Variants in UPF2 observed in about 807,000 individuals in gnomAD.
The protein encoded by UPF2 is UPF2 regulator of nonsense mediated mRNA decay, also known as regulator of nonsense transcripts 2.
In UPF2, 17 loss-of-function variants were observed where a neutral mutation model predicts 141.4. The observed-to-expected ratio is 0.12, with a 90% CI of 0.08 to 0.18. UPF2 has a LOEUF of 0.18. Among genes scored for constraint, UPF2 ranks in the 10% least tolerant of loss-of-function variants. UPF2 has a pLI of 1.00. For synonymous variants in UPF2, 540 were observed against 498.0 expected, an observed-to-expected ratio of 1.08 and a Z score of -1.12; for missense variants, 1,152 against 1,515.9, an observed-to-expected ratio of 0.76 and a Z score of 3.99.
intron 4 of UPF2, among the ~76,000 whole-genome samples, chr10:12,004,965 ATTTGT>A (rs757838152): frequency 5.4e-4 from 82 of 152,296 alleles, no homozygotes; most frequent in Non-Finnish European, 8.1e-4. Flanking sequence ...TTTCTCTTAC[ATTTGT>A]TTTAAGCAAT....
intron 13 of UPF2, 105 bp from the exon 14 acceptor site, chr10:11,955,612 A>T (rs1225456590): frequency 8.9e-7 from 1 of 1,121,528 alleles, no homozygotes; most frequent in African/African-American, 1.6e-5. Flanking sequence ...CTGAAAGAAC[A>T]CTGAATAGAG....
At chr10:11,972,504 G>A (rs2131216287) in intron 9 of UPF2, among the ~76,000 whole-genome samples, 1 of 152,190 alleles carries the variant, frequency 6.6e-6, no homozygotes, top group East Asian at 1.9e-4. Context: ...TTTACATTAG[G>A]TATATCTCCT....
intron 11 of UPF2, among the ~76,000 whole-genome samples, chr10:11,963,253 T>C (rs902663449): frequency 6.6e-6 from 1 of 152,222 alleles, no homozygotes; most frequent in Non-Finnish European, 1.5e-5. Context: ...TCTCACCCAT[T>C]ACAGGTGAAC....
intron 4 of UPF2, among the ~76,000 whole-genome samples, chr10:12,008,179 A>C (rs1834066869): frequency 6.6e-6 from 1 of 152,142 alleles, no homozygotes; most frequent in East Asian, 1.9e-4. Context: ...AAAAGATACA[A>C]GGGGAAAAAG....
intron 12 of UPF2, among the ~76,000 whole-genome samples, chr10:11,958,391 A>G (rs770151334): frequency 5.7e-4 from 87 of 152,318 alleles, no homozygotes; most frequent in Non-Finnish European, 1.1e-3. Context: ...AACACTAAAC[A>G]TGATTCTGAC....
chr10:11,931,844 G>C lies in UPF2; in HGVS notation c.3547-62C>G. 6.5e-7 allele frequency: 1 copy of C among 1,538,104 alleles called. No homozygotes were observed. Among genetic ancestry groups the C allele is most frequent in the South Asian group, 1.3e-5 (1 of 79,156 alleles). ...AGAACACTGAGAGAAAGAAAAAACA[G>C]ACTTCAAATAAAATAGCAAGTACAG... On this transcript the variant is annotated intron_variant, in intron 19 of 21. Transcript: ENST00000357604. This position sits in a 1 kb window ranked among gnomAD's most constrained non-coding sequence, Gnocchi z 5.9.
intron 5 of UPF2, among the ~76,000 whole-genome samples, chr10:12,002,435 G>GA (rs1320655064): frequency 6.6e-6 from 1 of 151,952 alleles, no homozygotes; most frequent in Non-Finnish European, 1.5e-5. Context: ...AGATGAGGGG[G>GA]AAAAAAGGCT....
intron 3 of UPF2, among the ~76,000 whole-genome samples, chr10:12,022,348 G>A: frequency 6.6e-6 from 1 of 151,366 alleles, no homozygotes; most frequent in East Asian, 1.9e-4. Flanking sequence ...GGAGGCGGAG[G>A]TTGCAGAGAG....
intron 3 of UPF2, among the ~76,000 whole-genome samples, chr10:12,024,610 G>A (rs910403089): frequency 2.0e-5 from 3 of 151,264 alleles, no homozygotes; most frequent in Non-Finnish European, 2.9e-5. Context: ...ACCCCGTCTC[G>A]AAAAATTAAT....
Position 11,921,325 on chromosome 10 carries a change from G to T in UPF2, c.3810-18C>A. On this transcript the variant is annotated intron_variant, in intron 21 of 21. Transcript: ENST00000357604. This position sits in a 1 kb window ranked among gnomAD's most constrained non-coding sequence, Gnocchi z 5.9. ...AACGTCTCCTAAAGGAACAAACAGG[G>T]TCACATCAGAGAGCTTACTGCCACA... The T allele has an allele frequency of 1.2e-6, 2 of 1,614,084 alleles. No homozygotes were observed. The highest frequency in any genetic ancestry group is 1.7e-6 in the Non-Finnish European group (2 of 1,180,014).
chr10:11,972,936 C>T (rs150237541), intron 9 of UPF2, among the ~76,000 whole-genome samples: 9,109 of 152,218 alleles, frequency 0.06, 368 homozygotes, highest in Non-Finnish European at 0.092. Flanking sequence ...ATTTCCAGTT[C>T]TAGATCCTTG....
chr10:11,960,909 T>C (rs1488558201), intron 11 of UPF2, among the ~76,000 whole-genome samples: 1 of 151,872 alleles, frequency 6.6e-6, no homozygotes, highest in Non-Finnish European at 1.5e-5. Context: ...CCTAGCAACG[T>C]AGTGAGACCC....
At chr10:11,967,546 GTTTTT>G (rs755905255) in intron 9 of UPF2, 92 bp from the exon 10 acceptor site, 136 of 242,550 alleles carry the variant, frequency 5.6e-4, no homozygotes, top group South Asian at 7.6e-4. Context: ...ATTCACTCCA[GTTTTT>G]TTTTTTTTTT....
intron 8 of UPF2, among the ~76,000 whole-genome samples, chr10:11,993,058 G>T (rs1833806057): frequency 6.7e-6 from 1 of 149,246 alleles, no homozygotes; most frequent in African/African-American, 2.5e-5. Context: ...GCTTAGGTGG[G>T]AGAATCGCTT....
At chr10:12,018,267 G>A (rs1379772498) in intron 3 of UPF2, among the ~76,000 whole-genome samples, 1 of 152,140 alleles carries the variant, frequency 6.6e-6, no homozygotes, top group African/African-American at 2.4e-5. Context: ...GGGCAGCATG[G>A]TGAAACTCCA....
intron 4 of UPF2, among the ~76,000 whole-genome samples, chr10:12,011,791 C>T (rs967256485): frequency 2.0e-5 from 3 of 151,294 alleles, no homozygotes; most frequent in African/African-American, 7.3e-5. Flanking sequence ...ACTAAAAATA[C>T]AAAATTAGCC....
intron 3 of UPF2, among the ~76,000 whole-genome samples, chr10:12,023,784 A>G (rs889126048): frequency 6.6e-6 from 1 of 151,920 alleles, no homozygotes; most frequent in Non-Finnish European, 1.5e-5. Flanking sequence ...TGAGCTCAGG[A>G]GTTTGGGACC....
At chr10:11,984,678 A>G (rs1833656944) in intron 8 of UPF2, among the ~76,000 whole-genome samples, 1 of 150,572 alleles carries the variant, frequency 6.6e-6, no homozygotes, top group Non-Finnish European at 1.5e-5. Flanking sequence ...CAATCTACTG[A>G]GTCCCCCACA....
At chr10:12,000,032 A>G (rs1564361481) in intron 6 of UPF2, 23 bp from the exon 7 acceptor site, 2 of 1,546,652 alleles carry the variant, frequency 1.3e-6, no homozygotes, top group South Asian at 1.2e-5. Context: ...TAGTTTTTAA[A>G]TAGGTTAAAA....
Sources: allele counts gnomAD v4.1 joint callset (sites outside exome capture counted in the v4.1 genomes callset), GRCh38; gene constraint gnomAD v4.1.1; non-coding constraint Gnocchi (gnomAD v3.1); transcripts MANE v1.5; gene names NCBI Gene and HGNC (gene_info 2026-07-23, HGNC 2026-07-21).